Variants in DGKB observed in about 807,000 individuals in gnomAD.
The protein encoded by DGKB is diacylglycerol kinase beta.
DGKB carries 67 observed loss-of-function variants against 114.3 expected under a neutral mutation model. The observed-to-expected ratio is 0.59, with a 90% CI of 0.48 to 0.72. The LOEUF (loss-of-function observed/expected upper bound fraction) is 0.72. DGKB is among the 30% of genes least tolerant of loss of function. The pLI is 0.00. For synonymous variants in DGKB, 398 were observed against 323.1 expected, an observed-to-expected ratio of 1.23 and a Z score of -2.49; for missense variants, 907 against 975.2, an observed-to-expected ratio of 0.93 and a Z score of 0.93.
chr7:14,891,848 G>A (rs1215752215), intron 1 of DGKB, among the ~76,000 whole-genome samples: 2 of 151,124 alleles, frequency 1.3e-5, no homozygotes, highest in Non-Finnish European at 3.0e-5. Context: ...AATAAAACAT[G>A]GACATTTAGA....
At chr7:14,802,295 C>A (rs1330180368) in intron 2 of DGKB, among the ~76,000 whole-genome samples, 1 of 152,000 alleles carries the variant, frequency 6.6e-6, no homozygotes, top group East Asian at 1.9e-4. Flanking sequence ...TTGGCTTTCT[C>A]ATGTTTTCTT....
At chr7:14,452,382 AAAT>A (rs996428151) in intron 21 of DGKB, among the ~76,000 whole-genome samples, 46 of 152,192 alleles carry the variant, frequency 3.0e-4, no homozygotes, top group African/African-American at 1.1e-3. Context: ...ATATATTTTA[AAAT>A]AATATTTACT....
intron 13 of DGKB, among the ~76,000 whole-genome samples, chr7:14,645,871 C>T (rs1812886667): frequency 6.6e-6 from 1 of 151,880 alleles, no homozygotes; most frequent in South Asian, 2.1e-4. Flanking sequence ...TGATATCTGC[C>T]ATTATGATAA....
chr7:14,558,315 T>G (rs763055882), intron 20 of DGKB, among the ~76,000 whole-genome samples: 8 of 151,962 alleles, frequency 5.3e-5, no homozygotes, highest in Admixed American at 6.6e-5. Flanking sequence ...GTTCTAGAAA[T>G]GAAAGTTTAT....
rs1392306185 is a variant in DGKB, at chr7:14,720,513, GTGTGTA to G, written c.323-1834_323-1829del. On this transcript the variant is annotated intron_variant, in intron 5 of 25. Coordinates refer to ENST00000402815, the MANE Select transcript of DGKB (RefSeq NM_001350709.2). The stretch of plus-strand genomic sequence containing the variant: ...TGTGTGTGTGTGTGTGTGTGTGTGT[GTGTGTA>G]TGTTTAGTAGAGATGGTGTTTCACC... Among the ~76,000 whole-genome samples, 186 of 121,602 alleles carry G rather than the reference GTGTGTA, an allele frequency of 1.5e-3. 2 individuals are homozygous for G. Among genetic ancestry groups the G allele is most frequent in the Non-Finnish European group, 2.3e-3 (133 of 57,032 alleles). The allele number at this position is 121,602 out of a possible 152,430, so 79.8% of individuals were successfully genotyped here.
intron 1 of DGKB, among the ~76,000 whole-genome samples, chr7:14,939,054 T>C (rs1354187134): frequency 6.8e-6 from 1 of 147,668 alleles, no homozygotes; most frequent in Non-Finnish European, 1.5e-5. Flanking sequence ...CATAAGCCTT[T>C]CTCTATTTTT....
At chr7:14,386,130 A>C (rs2128695309) in intron 21 of DGKB, among the ~76,000 whole-genome samples, 1 of 152,342 alleles carries the variant, frequency 6.6e-6, no homozygotes, top group Admixed American at 6.5e-5. Context: ...TTCACATGCC[A>C]TGTGGGAAAT....
At chr7:14,900,423 T>G (rs1329795648) in intron 1 of DGKB, among the ~76,000 whole-genome samples, 1 of 152,164 alleles carries the variant, frequency 6.6e-6, no homozygotes, top group Non-Finnish European at 1.5e-5. Flanking sequence ...GCTCTGTTCC[T>G]GAAGGCAGCC....
intron 4 of DGKB, among the ~76,000 whole-genome samples, chr7:14,753,497 A>G (rs1200561920): frequency 6.6e-6 from 1 of 151,960 alleles, no homozygotes; most frequent in Non-Finnish European, 1.5e-5. Flanking sequence ...CTATCACAGC[A>G]CTGTAGACAA....
chr7:14,792,097 A>T (rs1447884998), intron 2 of DGKB, among the ~76,000 whole-genome samples: 1 of 151,938 alleles, frequency 6.6e-6, no homozygotes, highest in Non-Finnish European at 1.5e-5. Context: ...GTGCCTAGGG[A>T]TTTCTTTTTT....
At position 14,530,380 on chromosome 7, in the gene DGKB, C is replaced by T. The variant is rs185267147; in HGVS notation, c.1770+43832G>A. ...TCATTCTGTATATACAATAACTCATCTCAAATTGCCTTCTCCCTTGATCCC... is the reference window on the plus strand; with the variant it reads ...TCATTCTGTATATACAATAACTCATTTCAAATTGCCTTCTCCCTTGATCCC... On this transcript the variant is annotated intron_variant, in intron 20 of 25. Transcript: ENST00000402815. Among the ~76,000 whole-genome samples, 10 of 151,536 alleles carry T rather than the reference C, an allele frequency of 6.6e-5. No individual in the cohort carries two copies. The East Asian group carries it at 1.9e-3, about 29-fold the overall frequency.
chr7:14,640,740 A>G (rs1811617073), intron 13 of DGKB, among the ~76,000 whole-genome samples: 1 of 152,162 alleles, frequency 6.6e-6, no homozygotes, highest in East Asian at 1.9e-4. Flanking sequence ...TTCAAGTAAA[A>G]GTTGAGAATA....
chr7:14,656,021 G>C (rs982830981), intron 13 of DGKB, among the ~76,000 whole-genome samples: 2 of 151,600 alleles, frequency 1.3e-5, no homozygotes, highest in African/African-American at 4.8e-5. Context: ...AGCTAGACTG[G>C]AGAATTATGA....
chr7:14,296,008 C>A (rs1165350600), intron 23 of DGKB, among the ~76,000 whole-genome samples: 1 of 149,574 alleles, frequency 6.7e-6, no homozygotes, highest in East Asian at 2.0e-4. Flanking sequence ...TTTCCAGCTT[C>A]ATTCATGTCC....
intron 21 of DGKB, among the ~76,000 whole-genome samples, chr7:14,400,747 T>C (rs965281640): frequency 1.2e-5 from 1 of 84,290 alleles, no homozygotes; most frequent in Non-Finnish European, 2.9e-5. Flanking sequence ...TTGTTTCTTG[T>C]GTGAGATGAA....
Position 14,890,076 on chromosome 7 carries a change from C to T in DGKB, c.-188+12516G>A, listed in dbSNP as rs1276752628. On this transcript the variant is annotated intron_variant, in intron 1 of 25. Coordinates refer to ENST00000402815, the MANE Select transcript of DGKB (RefSeq NM_001350709.2). ...TAATGATATTCCTCAGTCTGAGAGT[C>T]TTTTCATTCCATACAGTTTTCATTA... Among the ~76,000 whole-genome samples the T allele has an allele frequency of 2.0e-5, 3 of 151,544 alleles. No individual in the cohort carries two copies. The East Asian group carries it at 5.8e-4, about 29-fold the overall frequency.
intron 20 of DGKB, among the ~76,000 whole-genome samples, chr7:14,542,734 T>A (rs1359878864): frequency 6.6e-6 from 1 of 152,208 alleles, no homozygotes; most frequent in Non-Finnish European, 1.5e-5. Context: ...GCCTGAGATT[T>A]TTAACCATGT....
In DGKB at chr7:14,257,406, C is replaced by G. The variant is rs78053660; in HGVS notation, c.2123-79255G>C. Reference sequence around the variant, plus strand: ...TTGGAAGAGTCTCTGAGTAGCATAACCAAATAAACCAACGGACTATGATGT... The same window carrying G: ...TTGGAAGAGTCTCTGAGTAGCATAAGCAAATAAACCAACGGACTATGATGT... On this transcript the variant is annotated intron_variant, in intron 23 of 25. Transcript: ENST00000402815. 3.5e-3 allele frequency among the ~76,000 whole-genome samples: 531 copies of G among 152,070 alleles called. 2 individuals are homozygous for G. Among genetic ancestry groups the G allele is most frequent in the Non-Finnish European group, 6.6e-3 (448 of 67,970 alleles).
chr7:14,642,160 T>C (rs1563763204), intron 13 of DGKB, among the ~76,000 whole-genome samples: 1 of 151,994 alleles, frequency 6.6e-6, no homozygotes, highest in Non-Finnish European at 1.5e-5. Flanking sequence ...ATATAGTTAG[T>C]TTCTGCTAAA....
Sources: gnomAD v4.1 joint callset for allele counts (sites outside exome capture counted in the v4.1 genomes callset) on GRCh38, gnomAD v4.1.1 for gene constraint, MANE v1.5 for transcripts, NCBI Gene and HGNC (gene_info 2026-07-23, HGNC 2026-07-21) for gene names.